EXOC2: variants seen among roughly 807,000 people sequenced by gnomAD.
EXOC2 encodes the protein exocyst complex component 2.
Under a neutral mutation model 131.8 loss-of-function variants are expected in EXOC2, and 70 were observed. The ratio of observed to expected loss-of-function variants is 0.53; its 90% CI spans 0.44 to 0.65. The LOEUF (loss-of-function observed/expected upper bound fraction) is 0.65, where lower values mean the gene tolerates loss of function less well. Ranked by LOEUF, EXOC2 falls within the 30% of genes least tolerant of loss-of-function variation. The pLI is 0.00. For synonymous variants in EXOC2, 411 were observed against 398.4 expected (o/e 1.03, Z -0.38); for missense variants, 923 against 1,108.6 (o/e 0.83, Z 2.38).
intron 1 of EXOC2, among the ~76,000 whole-genome samples, chr6:692,795 G>C (rs1427984387): frequency 1.1e-5 from 1 of 87,726 alleles, no homozygotes; most frequent in African/African-American, 3.2e-5. Flanking sequence ...CGAACTGGCG[G>C]GGGTGGGCGC....
chr6:662,788 G>A (rs1202483121), intron 1 of EXOC2, among the ~76,000 whole-genome samples: 3 of 151,348 alleles, frequency 2.0e-5, no homozygotes, highest in East Asian at 1.9e-4. Flanking sequence ...CAAACCCAGC[G>A]GAAAAAAGGA....
At position 564,771 on chromosome 6, in the gene EXOC2, C is replaced by T. The variant is rs984598696; in HGVS notation, c.1510-69G>A. On this transcript the variant is annotated intron_variant, in intron 14 of 27. Transcript: ENST00000230449. ...ATCGGGTTACATTAACTAAAAGATG[C>T]TGCCTGGGCAGTAATGGATGTCTTG... 8 of 1,574,278 alleles carry T rather than the reference C, an allele frequency of 5.1e-6. No individual in the cohort carries two copies. The African/African-American group carries it at 8.2e-5, about 16-fold the overall frequency.
intron 4 of EXOC2, among the ~76,000 whole-genome samples, chr6:622,000 A>G (rs1761316602): frequency 1.3e-5 from 2 of 152,182 alleles, no homozygotes; most frequent in South Asian, 4.1e-4. Flanking sequence ...CGGCTAAGTG[A>G]CCCAGAAGTG....
chr6:633,821 T>C (rs1386612359), intron 2 of EXOC2, among the ~76,000 whole-genome samples: 3 of 152,172 alleles, frequency 2.0e-5, no homozygotes, highest in Non-Finnish European at 4.4e-5. Flanking sequence ...GGTCAACTCA[T>C]GATGTCACCT....
At chr6:615,407 A>G (rs1177085227) in intron 6 of EXOC2, among the ~76,000 whole-genome samples, 1 of 152,164 alleles carries the variant, frequency 6.6e-6, no homozygotes, top group African/African-American at 2.4e-5. Context: ...CTAATATCCA[A>G]TTAGATGAGT....
intron 10 of EXOC2, among the ~76,000 whole-genome samples, chr6:594,034 C>T (rs1314727032): frequency 2.0e-5 from 3 of 152,216 alleles, no homozygotes; most frequent in African/African-American, 7.2e-5. Context: ...TGAGAGCTGC[C>T]ATCTCCTCCC....
chr6:635,962 C>G (rs1202203018), intron 2 of EXOC2, among the ~76,000 whole-genome samples: 4 of 152,218 alleles, frequency 2.6e-5, no homozygotes, highest in East Asian at 3.8e-4. Context: ...ACTGGGGAGG[C>G]TGAGGCAGGA....
chr6:587,853 A>G (rs190194365), intron 11 of EXOC2, among the ~76,000 whole-genome samples: 2 of 152,220 alleles, frequency 1.3e-5, no homozygotes, highest in African/African-American at 4.8e-5. Flanking sequence ...ATTTTAGGTA[A>G]TGGTCATGGT....
intron 22 of EXOC2, among the ~76,000 whole-genome samples, chr6:539,062 T>A (rs1362416487): frequency 9.0e-6 from 1 of 110,614 alleles, no homozygotes; most frequent in Non-Finnish European, 1.8e-5. Flanking sequence ...AGAGCAAGAC[T>A]CTGTCTGAAG....
chr6:490,155 G>A (rs1225974123), intron 26 of EXOC2, among the ~76,000 whole-genome samples: 1 of 151,996 alleles, frequency 6.6e-6, no homozygotes, highest in East Asian at 1.9e-4. Flanking sequence ...TATTGGCAGG[G>A]TACTGAAAAT....
intron 1 of EXOC2, among the ~76,000 whole-genome samples, chr6:677,230 C>A (rs1347931704): frequency 6.6e-6 from 1 of 151,840 alleles, no homozygotes; most frequent in Non-Finnish European, 1.5e-5. Flanking sequence ...CTGCGGTTCC[C>A]CATACTCTTC....
At chr6:594,688 T>C (rs913812208) in intron 10 of EXOC2, among the ~76,000 whole-genome samples, 6 of 152,214 alleles carry the variant, frequency 3.9e-5, no homozygotes, top group African/African-American at 1.4e-4. Context: ...ACTTTTTCTA[T>C]CATCTTATTA....
chr6:594,976 T>C lies in EXOC2; in HGVS notation c.1074-2389A>G, dbSNP rs1473608250. Among the ~76,000 whole-genome samples the C allele has an allele frequency of 2.0e-5, 3 of 152,184 alleles. No individual in the cohort carries two copies. In the East Asian group the frequency reaches 5.8e-4, roughly 29 times the overall value. The stretch of plus-strand genomic sequence containing the variant: ...AAAGCAATGTAAAGAATGTTAATTA[T>C]GATTAACACAGGCTCAGTATTTTAA... On this transcript the variant is annotated intron_variant, in intron 10 of 27. Transcript: ENST00000230449.
At chr6:647,532 G>A (rs1218261483) in intron 1 of EXOC2, among the ~76,000 whole-genome samples, 1 of 142,772 alleles carries the variant, frequency 7.0e-6, no homozygotes, top group Non-Finnish European at 1.5e-5. Context: ...CAGATTCCTG[G>A]TGACCGGATC....
At chr6:561,018 A>G (rs1757673278) in intron 17 of EXOC2, among the ~76,000 whole-genome samples, 1 of 152,130 alleles carries the variant, frequency 6.6e-6, no homozygotes, top group African/African-American at 2.4e-5. Context: ...CAATTAAAAT[A>G]TTTTTATTAA....
At chr6:528,774 A>G (rs1268809900) in intron 23 of EXOC2, among the ~76,000 whole-genome samples, 4 of 152,250 alleles carry the variant, frequency 2.6e-5, no homozygotes, top group Non-Finnish European at 4.4e-5. Flanking sequence ...TATTAAGATC[A>G]ACCTCAGGAT....
At chr6:587,560 T>C (rs1020771016) in intron 11 of EXOC2, among the ~76,000 whole-genome samples, 1 of 152,188 alleles carries the variant, frequency 6.6e-6, no homozygotes, top group Non-Finnish European at 1.5e-5. Context: ...ATGTGTATAT[T>C]AAAGTTAACA....
intron 1 of EXOC2, chr6:656,459 C>G: frequency 6.2e-7 from 1 of 1,612,746 alleles, no homozygotes. Flanking sequence ...TCAGCGTCCT[C>G]CAGCGCGGCA....
At chr6:640,865 C>G (rs1419343232) in intron 1 of EXOC2, among the ~76,000 whole-genome samples, 1 of 146,306 alleles carries the variant, frequency 6.8e-6, no homozygotes, top group East Asian at 2.0e-4. Flanking sequence ...ACAGCCCTAC[C>G]AAACTACTAA....
Sources: allele counts gnomAD v4.1 joint callset (sites outside exome capture counted in the v4.1 genomes callset), GRCh38; gene constraint gnomAD v4.1.1; transcripts MANE v1.5; gene names NCBI Gene and HGNC (gene_info 2026-07-23, HGNC 2026-07-21).